The following MEOX2 variants were observed in gnomAD, a reference collection of about 807,000 sequenced individuals.
MEOX2 encodes the protein mesenchyme homeobox 2.
In MEOX2, 11 loss-of-function variants were observed where a neutral mutation model predicts 27.0. The ratio of observed to expected loss-of-function variants is 0.41; its 90% CI spans 0.26 to 0.68. MEOX2 has a LOEUF of 0.68. MEOX2 is among the 30% of genes least tolerant of loss of function. MEOX2 has a pLI of 0.33. For missense variants in MEOX2, 436 were observed against 385.4 expected, an observed-to-expected ratio of 1.13 and a Z score of -1.10; for synonymous variants, 189 against 155.4, an observed-to-expected ratio of 1.22 and a Z score of -1.61.
At chr7:15,638,009 A>T (rs1028550226) in intron 1 of MEOX2, among the ~76,000 whole-genome samples, 2 of 152,112 alleles carry the variant, frequency 1.3e-5, no homozygotes, top group African/African-American at 4.8e-5. Context: ...AGTCAAATTT[A>T]TTAGTTTACA....
chr7:15,620,610 C>T (rs548275172), intron 2 of MEOX2, among the ~76,000 whole-genome samples: 2 of 152,126 alleles, frequency 1.3e-5, no homozygotes, highest in South Asian at 4.2e-4. Context: ...GAGCAAAAGA[C>T]AAAACCACTC....
chr7:15,643,610 G>A (rs1781596688), intron 1 of MEOX2, among the ~76,000 whole-genome samples: 2 of 152,180 alleles, frequency 1.3e-5, no homozygotes, highest in African/African-American at 4.8e-5. Context: ...GTCTGTTCCA[G>A]GTCACTGAGC....
At chr7:15,667,115 C>A (rs1185521739) in intron 1 of MEOX2, among the ~76,000 whole-genome samples, 10 of 150,710 alleles carry the variant, frequency 6.6e-5, no homozygotes, top group Non-Finnish European at 1.5e-4. Flanking sequence ...CAGGGTGAAA[C>A]CCCGTCTCTA....
chr7:15,612,510 CT>C lies in MEOX2; in HGVS notation c.791del (p.Lys264ArgfsTer24), dbSNP rs1781048910. 1.2e-6 allele frequency: 2 copies of C among 1,614,022 alleles called. No homozygotes were observed. The highest frequency in any genetic ancestry group is 1.7e-6 in the Non-Finnish European group (2 of 1,180,032). ...AREKELVNVK[K>X]GTLLPSELSG... ...ACAGCTCTGATGGGAGAAGTGTTCC[CT>C]TTTTCACATTCACCAGTTCCTTTTC... On this transcript the variant is annotated frameshift_variant, in exon 3 of 3. Transcript: ENST00000262041. LOFTEE classifies it high-confidence loss of function.
chr7:15,677,484 C>T (rs1433014411), intron 1 of MEOX2: 2 of 152,138 alleles, frequency 1.3e-5, no homozygotes, highest in South Asian at 2.1e-4. Context: ...CCTAACCCTC[C>T]GGGGTTCTGG....
At chr7:15,625,594 T>G (rs116864889) in intron 2 of MEOX2, among the ~76,000 whole-genome samples, 1 of 152,310 alleles carries the variant, frequency 6.6e-6, no homozygotes, top group East Asian at 1.9e-4. Flanking sequence ...TGTTGATATT[T>G]CTTTGGTTCC....
chr7:15,659,316 C>T (rs1001477837), intron 1 of MEOX2, among the ~76,000 whole-genome samples: 25 of 152,024 alleles, frequency 1.6e-4, no homozygotes, highest in Non-Finnish European at 5.9e-5. Context: ...AACCAATTTT[C>T]ATATATTTAT....
At chr7:15,672,647 C>A (rs1372342267) in intron 1 of MEOX2, among the ~76,000 whole-genome samples, 1 of 152,082 alleles carries the variant, frequency 6.6e-6, no homozygotes, top group Non-Finnish European at 1.5e-5. Context: ...AATCCCAACA[C>A]TTTGGGAGGC....
intron 1 of MEOX2, among the ~76,000 whole-genome samples, chr7:15,640,721 G>C (rs1039662234): frequency 6.6e-6 from 1 of 151,890 alleles, no homozygotes; most frequent in South Asian, 2.1e-4. Context: ...GTTTGTTGAG[G>C]GTTTTTATCA....
At chr7:15,674,254 A>G (rs1436015321) in intron 1 of MEOX2, among the ~76,000 whole-genome samples, 1 of 152,190 alleles carries the variant, frequency 6.6e-6, no homozygotes, top group Non-Finnish European at 1.5e-5. Flanking sequence ...ATAATACTAC[A>G]TGTTGTATTA....
chr7:15,616,602 T>A (rs1408311850), intron 2 of MEOX2, among the ~76,000 whole-genome samples: 1 of 151,962 alleles, frequency 6.6e-6, no homozygotes, highest in Non-Finnish European at 1.5e-5. Flanking sequence ...ACTTTTAGTT[T>A]TTGTTTTTAA....
At position 15,686,213 on chromosome 7, in the gene MEOX2, G is replaced by A; in HGVS notation, c.190C>T (p.His64Tyr). 6.2e-7 allele frequency: 1 copy of A among 1,610,386 alleles called. No homozygotes were observed. Among genetic ancestry groups the A allele is most frequent in the Non-Finnish European group, 8.5e-7 (1 of 1,178,146 alleles). ...PNEEGMFASQHHRGHHHHHHH... is the reference protein window; with the variant it reads ...PNEEGMFASQYHRGHHHHHHH... ...TGGTGGTGGTGGTGCCCCCTGTGAT[G>A]CTGGCTGGCAAACATGCCCTCTTCG... The change falls in exon 1 of 3, where the codon CAT becomes TAT. Residue 64 changes from histidine (H) to tyrosine (Y), a missense_variant. Physicochemically the swap from His to Tyr is moderately conservative, Grantham distance 83 (BLOSUM62 2). Transcript: ENST00000262041.
At chr7:15,645,066 T>C (rs1223495690) in intron 1 of MEOX2, among the ~76,000 whole-genome samples, 1 of 152,160 alleles carries the variant, frequency 6.6e-6, no homozygotes, top group Non-Finnish European at 1.5e-5. Context: ...GAAAGAAGAT[T>C]AAGGTAAGGA....
chr7:15,622,103 C>T (rs967353144), intron 2 of MEOX2, among the ~76,000 whole-genome samples: 11 of 152,100 alleles, frequency 7.2e-5, no homozygotes, highest in Admixed American at 1.3e-4. Context: ...GGTGACAGAG[C>T]GAGACTCTGT....
intron 2 of MEOX2, among the ~76,000 whole-genome samples, chr7:15,621,441 T>C (rs113841669): frequency 5.3e-5 from 8 of 152,204 alleles, no homozygotes; most frequent in African/African-American, 1.2e-4. Context: ...AACAGAATTA[T>C]AGACTACCCT....
At chr7:15,647,496 T>C (rs1160666205) in intron 1 of MEOX2, among the ~76,000 whole-genome samples, 1 of 152,132 alleles carries the variant, frequency 6.6e-6, no homozygotes, top group Non-Finnish European at 1.5e-5. Flanking sequence ...CTTTGTCTTC[T>C]CATATTACAG....
intron 1 of MEOX2, among the ~76,000 whole-genome samples, chr7:15,652,075 T>A (rs996417984): frequency 6.6e-6 from 1 of 152,024 alleles, no homozygotes; most frequent in Non-Finnish European, 1.5e-5. Flanking sequence ...AAAGAAATAA[T>A]CTTTTAAGAT....
At chr7:15,614,890 G>A (rs554694898) in intron 2 of MEOX2, among the ~76,000 whole-genome samples, 3 of 152,120 alleles carry the variant, frequency 2.0e-5, no homozygotes, top group South Asian at 2.1e-4. Flanking sequence ...TTCAAATCAC[G>A]ATGCTTCATC....
intron 1 of MEOX2, among the ~76,000 whole-genome samples, chr7:15,637,214 T>A (rs1405233692): frequency 2.0e-5 from 3 of 152,068 alleles, no homozygotes; most frequent in African/African-American, 4.8e-5. Flanking sequence ...AGATAGTATA[T>A]AATGATACGG....
Sources: gnomAD v4.1 joint callset for allele counts (sites outside exome capture counted in the v4.1 genomes callset) on GRCh38, gnomAD v4.1.1 for gene constraint, MANE v1.5 for transcripts, NCBI Gene and HGNC (gene_info 2026-07-23, HGNC 2026-07-21) for gene names.